DMD: variants seen among roughly 807,000 people sequenced by gnomAD.
DMD encodes the protein mutant dystrophin.
Under a neutral mutation model 330.1 loss-of-function variants are expected in DMD, and 63 were observed. That is an observed-to-expected ratio of 0.19 (90% CI 0.16 to 0.24). DMD has a LOEUF of 0.24. Among genes scored for constraint, DMD ranks in the 10% least tolerant of loss-of-function variants. The probability of loss-of-function intolerance (pLI) is 1.00; values close to 1 mark genes in which losing one functional copy is unlikely to be tolerated. For missense variants in DMD, 3,344 were observed against 2,684.1 expected (o/e 1.25, Z -5.43); for synonymous variants, 1,223 against 959.8 (o/e 1.27, Z -5.07).
intron 57 of DMD, among the ~76,000 whole-genome samples, chrX:31,486,916 A>G (rs377360946): frequency 3.7e-4 from 42 of 112,201 alleles, no homozygotes; most frequent in African/African-American, 1.3e-3. Flanking sequence ...TCTCAAACAC[A>G]TAAGAATATT....
chrX:32,787,084 T>C (rs2075417154), intron 7 of DMD, among the ~76,000 whole-genome samples: 1 of 111,338 alleles, frequency 9.0e-6, no homozygotes, highest in Admixed American at 9.6e-5. Context: ...GTTATACTTT[T>C]GCAAGTGTGC....
intron 42 of DMD, among the ~76,000 whole-genome samples, chrX:32,306,955 A>G (rs2097542615): frequency 9.0e-6 from 1 of 111,659 alleles, no homozygotes; most frequent in African/African-American, 3.2e-5. Flanking sequence ...ATTCACATTT[A>G]TTGATACCAA....
At chrX:32,554,326 C>G (rs1207734910) in intron 16 of DMD, among the ~76,000 whole-genome samples, 1 of 111,085 alleles carries the variant, frequency 9.0e-6, no homozygotes, top group Non-Finnish European at 1.9e-5. Context: ...AATCCAGGAG[C>G]TGGTTTTTGG....
chrX:33,061,726 A>C (rs771347682), intron 1 of DMD, among the ~76,000 whole-genome samples: 1 of 111,501 alleles, frequency 9.0e-6, no homozygotes, highest in South Asian at 3.8e-4. Context: ...TAATGGTTAG[A>C]CGATAGCTGT....
intron 1 of DMD, among the ~76,000 whole-genome samples, chrX:33,022,656 C>G (rs1157698550): frequency 9.0e-6 from 1 of 110,732 alleles, no homozygotes; most frequent in Admixed American, 9.7e-5. Context: ...ATGTAATTTA[C>G]TACTTTATAC....
At chrX:32,001,861 C>T (rs1364778991) in intron 44 of DMD, among the ~76,000 whole-genome samples, 1 of 111,530 alleles carries the variant, frequency 9.0e-6, no homozygotes, top group East Asian at 2.8e-4. Context: ...ACTGACTGTT[C>T]TGAGAAACTT....
At chrX:31,589,098 TA>T (rs58975023) in intron 55 of DMD, among the ~76,000 whole-genome samples, 185 of 100,285 alleles carry the variant, frequency 1.8e-3, no homozygotes, top group Admixed American at 1.6e-3. Context: ...GTCATGCAAG[TA>T]AAAAAAAAAA....
At chrX:32,784,784 T>C (rs1026828880) in intron 7 of DMD, among the ~76,000 whole-genome samples, 1 of 111,790 alleles carries the variant, frequency 8.9e-6, no homozygotes, top group Non-Finnish European at 1.9e-5. Context: ...TGTACATTTA[T>C]TAGAATGAAA....
At chrX:31,589,497 G>A (rs1381180858) in intron 55 of DMD, among the ~76,000 whole-genome samples, 1 of 111,495 alleles carries the variant, frequency 9.0e-6, no homozygotes, top group Admixed American at 9.6e-5. Context: ...TCAGGATAAA[G>A]GAATGAGCTG....
At chrX:31,600,510 GTTTT>G (rs1177947507) in intron 55 of DMD, among the ~76,000 whole-genome samples, 7 of 50,489 alleles carry the variant, frequency 1.4e-4, no homozygotes, top group African/African-American at 5.5e-4. Context: ...GCCAACTATG[GTTTT>G]TTTTTTTTTT....
intron 12 of DMD, among the ~76,000 whole-genome samples, chrX:32,608,611 G>A (rs2056923942): frequency 9.1e-6 from 1 of 110,118 alleles, no homozygotes; most frequent in Non-Finnish European, 1.9e-5. Flanking sequence ...CGTTTTAATT[G>A]AAATTATCAA....
At chrX:31,322,039 A>G (rs1399015341) in intron 62 of DMD, among the ~76,000 whole-genome samples, 1 of 111,837 alleles carries the variant, frequency 8.9e-6, no homozygotes, top group Non-Finnish European at 1.9e-5. Context: ...TGAGCCCCAA[A>G]CAAGTAGTCA....
chrX:32,489,831 C>T (rs1470320891), intron 20 of DMD, among the ~76,000 whole-genome samples: 2 of 111,954 alleles, frequency 1.8e-5, no homozygotes, highest in African/African-American at 6.5e-5. Flanking sequence ...CTCTGATTCA[C>T]AGGAAAAGCG....
chrX:32,597,754 G>A (rs960614101), intron 12 of DMD, among the ~76,000 whole-genome samples: 1 of 111,757 alleles, frequency 8.9e-6, no homozygotes, highest in African/African-American at 3.3e-5. Context: ...GTAAACAAAG[G>A]AGGCTGCTCT....
intron 7 of DMD, among the ~76,000 whole-genome samples, chrX:32,796,144 C>T (rs1032138599): frequency 9.0e-6 from 1 of 111,354 alleles, no homozygotes; most frequent in Non-Finnish European, 1.9e-5. Flanking sequence ...ATATACTTTT[C>T]TAACTATCAG....
intron 17 of DMD, among the ~76,000 whole-genome samples, chrX:32,527,258 C>T (rs976003608): frequency 1.8e-5 from 2 of 112,042 alleles, no homozygotes; most frequent in South Asian, 3.7e-4. Context: ...TTAATAGGAA[C>T]AAAACTATAA....
At chrX:33,323,150 A>T (rs1158074816) in intron 1 of DMD, among the ~76,000 whole-genome samples, 3 of 112,000 alleles carry the variant, frequency 2.7e-5, no homozygotes, top group African/African-American at 9.7e-5. Context: ...TCTTAAGCCC[A>T]TAACTGGCAA....
intron 60 of DMD, among the ~76,000 whole-genome samples, chrX:31,400,103 A>G (rs1297362101): frequency 8.9e-6 from 1 of 111,733 alleles, no homozygotes; most frequent in Non-Finnish European, 1.9e-5. Context: ...TGGATAGCTT[A>G]TATTGAAAGT....
intron 61 of DMD, among the ~76,000 whole-genome samples, chrX:31,327,134 G>C (rs1424467310): frequency 8.9e-6 from 1 of 112,151 alleles, no homozygotes. Flanking sequence ...TCAGATTCTT[G>C]AATGTACAAA....
Sources: gnomAD v4.1 joint callset for allele counts (sites outside exome capture counted in the v4.1 genomes callset) on GRCh38, gnomAD v4.1.1 for gene constraint, MANE v1.5 for transcripts, NCBI Gene and HGNC (gene_info 2026-07-23, HGNC 2026-07-21) for gene names.